Variants in ERICH1 observed in about 807,000 individuals in gnomAD.
ERICH1 encodes the protein glutamate rich 1.
In ERICH1, 56 loss-of-function variants were observed where a neutral mutation model predicts 39.6. That is an observed-to-expected ratio of 1.41 (90% CI 1.14 to 1.77). ERICH1 has a LOEUF of 1.77. Among genes scored for constraint, ERICH1 ranks in the 40% most tolerant of loss-of-function variants. The pLI is 0.00. For synonymous variants in ERICH1, 313 were observed against 223.6 expected (o/e 1.40, Z -3.57); for missense variants, 826 against 575.4 (o/e 1.44, Z -4.45).
intron 3 of ERICH1, among the ~76,000 whole-genome samples, chr8:658,244 C>T (rs1160793160): frequency 6.6e-6 from 1 of 152,214 alleles, no homozygotes; most frequent in Admixed American, 6.5e-5. Context: ...GCTTGCCCCT[C>T]CCCTTCTCAT....
At position 699,641 on chromosome 8, in the gene ERICH1, G is replaced by A. The variant is rs551392470; in HGVS notation, c.170-7029C>T. Among the ~76,000 whole-genome samples the A allele has an allele frequency of 3.9e-5, 6 of 152,214 alleles. No individual in the cohort carries two copies. In the South Asian group the frequency reaches 8.3e-4, roughly 21 times the overall value. On this transcript the variant is annotated intron_variant, in intron 2 of 5. Transcript: ENST00000262109. Reference sequence around the variant, plus strand: ...TCCAGCATCCAAGATCTCAACACGCGCGTGAAAGCACACACAGGAGCACGT... The same window carrying A: ...TCCAGCATCCAAGATCTCAACACGCACGTGAAAGCACACACAGGAGCACGT...
intron 3 of ERICH1, among the ~76,000 whole-genome samples, chr8:675,471 A>G (rs868418787): frequency 6.4e-4 from 2 of 3,132 alleles, no homozygotes; most frequent in Non-Finnish European, 9.3e-4. Flanking sequence ...GAGGACAGAG[A>G]CGCGGCGGCC....
intron 2 of ERICH1, among the ~76,000 whole-genome samples, chr8:700,577 G>GGCCCGC (rs879900913): frequency 0.075 from 9,467 of 126,870 alleles, 1,481 homozygotes; most frequent in Middle Eastern, 0.14. Context: ...CAGGCGCACA[G>GGCCCGC]ACCCGCACAC....
chr8:714,654 CGG>C, intron 2 of ERICH1, among the ~76,000 whole-genome samples: 2 of 4,282 alleles, frequency 4.7e-4, no homozygotes. Flanking sequence ...CGGCCTCTTC[CGG>C]CATCTCTCGG....
At chr8:662,786 C>A (rs184198271), downstream of ERICH1, among the ~76,000 whole-genome samples, 324 of 152,358 alleles carry the variant, frequency 2.1e-3, 1 homozygote, top group African/African-American at 5.1e-3. Flanking sequence ...GACACCACTG[C>A]AGCACAGGTT....
intron 4 of ERICH1, among the ~76,000 whole-genome samples, chr8:672,941 T>C (rs933175443): frequency 1.3e-5 from 2 of 152,174 alleles, no homozygotes; most frequent in East Asian, 1.9e-4. Flanking sequence ...TTTAGAAAAA[T>C]AGCCTGGATG....
chr8:665,545 C>A (rs1342930407), intron 5 of ERICH1, among the ~76,000 whole-genome samples: 3 of 152,190 alleles, frequency 2.0e-5, no homozygotes, highest in African/African-American at 7.2e-5. Context: ...GTTGCCTGAG[C>A]TCTAGAAAGC....
chr8:632,915 C>T (rs1046060), intron 3 of ERICH1, among the ~76,000 whole-genome samples: 93,149 of 152,150 alleles, frequency 0.61, 30,683 homozygotes, highest in East Asian at 0.88. Context: ...AGACGTCCCA[C>T]GGTGCACAGG....
intron 2 of ERICH1, among the ~76,000 whole-genome samples, chr8:693,277 CAGG>C (rs774568531): frequency 7.2e-5 from 11 of 152,162 alleles, no homozygotes; most frequent in Non-Finnish European, 1.2e-4. Context: ...CATACATCTT[CAGG>C]AGATCGTGTC....
chr8:660,273 A>C (rs899872605), downstream of ERICH1, among the ~76,000 whole-genome samples: 1 of 152,250 alleles, frequency 6.6e-6, no homozygotes, highest in African/African-American at 2.4e-5. Context: ...GAGGCTTGGC[A>C]GTTGTTATTG....
intron 2 of ERICH1, among the ~76,000 whole-genome samples, chr8:709,986 T>C (rs962388676): frequency 3.9e-5 from 6 of 152,138 alleles, no homozygotes; most frequent in African/African-American, 1.4e-4. Context: ...AGATTAAAAA[T>C]GTTGGTTCAG....
chr8:700,508 CCGCACAGGCGCACAGGCCCGCACAGG>C (rs1563299632), intron 2 of ERICH1, among the ~76,000 whole-genome samples: 5 of 136,746 alleles, frequency 3.7e-5, no homozygotes. Flanking sequence ...GCGCACAGGC[CCGCACAGGCGCACAGGCCCGCACAGG>C]CGCACAGGCC....
At chr8:663,299 G>C (rs1417554828), downstream of ERICH1, among the ~76,000 whole-genome samples, 3 of 152,186 alleles carry the variant, frequency 2.0e-5, no homozygotes, top group African/African-American at 7.2e-5. Flanking sequence ...GGGGTGGTCT[G>C]GGCTGATGTT....
intron 3 of ERICH1, among the ~76,000 whole-genome samples, chr8:622,303 A>G (rs879394449): frequency 6.6e-6 from 1 of 152,198 alleles, no homozygotes; most frequent in Non-Finnish European, 1.5e-5. Flanking sequence ...TTGAAACTCA[A>G]TCAGCAAAAG....
rs998716314 is a variant in ERICH1, at chr8:730,993, T to C, written c.22+147A>G. Reference sequence around the variant, plus strand: ...GTCCGGGGTAAGAGCGGGGGATGGGTAGGGACTGGGGTGGAGGTGGGGAGT... The same window carrying C: ...GTCCGGGGTAAGAGCGGGGGATGGGCAGGGACTGGGGTGGAGGTGGGGAGT... On this transcript the variant is annotated intron_variant, in intron 1 of 5. Transcript: ENST00000262109. 6 of 933,540 alleles carry C rather than the reference T, an allele frequency of 6.4e-6. No homozygotes were observed. The African/African-American group carries it at 9.0e-5, about 14-fold the overall frequency. The allele number at this position is 933,540 out of a possible 1,614,324, so 57.8% of individuals were successfully genotyped here.
intron 3 of ERICH1, among the ~76,000 whole-genome samples, chr8:635,835 C>T (rs1015575815): frequency 2.0e-5 from 3 of 152,232 alleles, no homozygotes. Flanking sequence ...GGTTGGCTCA[C>T]CAAAGTTTGT....
intron 3 of ERICH1, among the ~76,000 whole-genome samples, chr8:644,267 C>A (rs545661396): frequency 4.6e-5 from 7 of 152,374 alleles, no homozygotes; most frequent in Non-Finnish European, 8.8e-5. Flanking sequence ...GGCTTCAGGG[C>A]TCCTGCAGAG....
In ERICH1 at chr8:624,566, TCTGCAGG is replaced by T. The variant is rs533331322; in HGVS notation, c.977-9289_977-9283del. On this transcript the variant is annotated intron_variant, in intron 3 of 3. Coordinates refer to the ERICH1 transcript ENST00000522706. ...AAAAGATGTTCAATTGGCTCACAGT[TCTGCAGG>T]CTGTACAGGAAGCATGGCTGGGGAG... 1.5e-3 allele frequency among the ~76,000 whole-genome samples: 232 copies of T among 152,262 alleles called. 1 individual carries two copies. The highest frequency in any genetic ancestry group is 5.2e-3 in the African/African-American group (215 of 41,552).
intron 3 of ERICH1, among the ~76,000 whole-genome samples, chr8:622,745 G>A (rs1321815454): frequency 6.6e-6 from 1 of 152,074 alleles, no homozygotes; most frequent in Non-Finnish European, 1.5e-5. Context: ...TTGAGCCCAG[G>A]AGTTTCAGAC....
Sources: allele counts gnomAD v4.1 joint callset (sites outside exome capture counted in the v4.1 genomes callset), GRCh38; gene constraint gnomAD v4.1.1; transcripts MANE v1.5; gene names NCBI Gene and HGNC (gene_info 2026-07-23, HGNC 2026-07-21).